FBXW10B: variants seen among roughly 807,000 people sequenced by gnomAD.
The protein encoded by FBXW10B is F-box and WD repeat domain containing protein 10B.
chr17:15,587,192 T>C, the FBXW10B span, among the ~76,000 whole-genome samples: 9 of 151,036 alleles, frequency 6.0e-5, no homozygotes, highest in East Asian at 1.4e-3. Flanking sequence ...GTGGGAATGT[T>C]GGATGGACAA....
chr17:15,588,787 G>A, the FBXW10B span: 33 of 1,007,434 alleles, frequency 3.3e-5, no homozygotes, highest in Middle Eastern at 2.1e-4. Flanking sequence ...TGTCAGTGCC[G>A]ATTTTAGGCA....
the FBXW10B span, chr17:15,589,182 CA>C: frequency 6.2e-7 from 1 of 1,613,410 alleles, no homozygotes; most frequent in Non-Finnish European, 8.5e-7. Context: ...CATTCCATCC[CA>C]CGTTAATTCT....
At chr17:15,606,305 C>T in the FBXW10B span, among the ~76,000 whole-genome samples, 1 of 140,454 alleles carries the variant, frequency 7.1e-6, no homozygotes, top group Admixed American at 7.3e-5. Flanking sequence ...TGTATAGTCA[C>T]TCTAAATATG....
At chr17:15,585,617 C>T in the FBXW10B span, among the ~76,000 whole-genome samples, 18 of 152,250 alleles carry the variant, frequency 1.2e-4, no homozygotes, top group African/African-American at 3.6e-4. Context: ...CAAGGTTGCC[C>T]GTGTTTGATG....
the FBXW10B span, among the ~76,000 whole-genome samples, chr17:15,595,091 C>T: frequency 2.6e-5 from 4 of 152,094 alleles, no homozygotes; most frequent in South Asian, 2.1e-4. Context: ...CCTGTAATCC[C>T]AGCACTTTGG....
At chr17:15,617,110 C>T in the FBXW10B span, among the ~76,000 whole-genome samples, 1 of 152,132 alleles carries the variant, frequency 6.6e-6, no homozygotes, top group East Asian at 1.9e-4. Context: ...GATATTAAGT[C>T]GGTTGATCTC....
chr17:15,603,920 A>T, the FBXW10B span, among the ~76,000 whole-genome samples: 2 of 106,422 alleles, frequency 1.9e-5, no homozygotes, highest in Non-Finnish European at 3.9e-5. Context: ...AAAAATACAA[A>T]AAAAAAAAAA....
At chr17:15,600,746 G>A in the FBXW10B span, among the ~76,000 whole-genome samples, 15 of 152,226 alleles carry the variant, frequency 9.9e-5, no homozygotes, top group South Asian at 2.1e-3. Context: ...ATAGGCATTA[G>A]AAAAGAAGAT....
the FBXW10B span, among the ~76,000 whole-genome samples, chr17:15,608,689 C>T: frequency 6.7e-6 from 1 of 149,114 alleles, no homozygotes; most frequent in East Asian, 2.0e-4. Context: ...CCTGACCTCA[C>T]GTGATCTGCC....
the FBXW10B span, among the ~76,000 whole-genome samples, chr17:15,583,398 TGAC>T: frequency 1.4e-5 from 2 of 145,986 alleles, no homozygotes; most frequent in Non-Finnish European, 3.0e-5. Context: ...TAGGTGCCCC[TGAC>T]TGCCCCGTGT....
the FBXW10B span, among the ~76,000 whole-genome samples, chr17:15,592,246 C>T: frequency 3.3e-5 from 5 of 149,928 alleles, no homozygotes; most frequent in East Asian, 3.9e-4. Context: ...TCACTCAAGC[C>T]GAAAGAAAAA....
chr17:15,615,721 G>T, the FBXW10B span: 2 of 1,613,638 alleles, frequency 1.2e-6, no homozygotes, highest in Non-Finnish European at 1.7e-6. Flanking sequence ...GCTGAGTTTT[G>T]GCTGTCCAAT....
At chr17:15,609,976 T>C in the FBXW10B span, among the ~76,000 whole-genome samples, 1 of 149,612 alleles carries the variant, frequency 6.7e-6, no homozygotes, top group Non-Finnish European at 1.5e-5. Flanking sequence ...TTTTTCTGCC[T>C]CAGCCTCCCG....
chr17:15,569,455 C>CTTTTTTTTTTTTTTTTTTTTTTT, the FBXW10B span, among the ~76,000 whole-genome samples: 76 of 59,186 alleles, frequency 1.3e-3, no homozygotes, highest in East Asian at 2.8e-3. Flanking sequence ...TTTTCTTTTT[C>CTTTTTTTTTTTTTTTTTTTTTTT]TTTTTTTTTT....
chr17:15,581,222 A>G, the FBXW10B span, among the ~76,000 whole-genome samples: 1 of 152,236 alleles, frequency 6.6e-6, no homozygotes, highest in Non-Finnish European at 1.5e-5. Flanking sequence ...GATCCTACTC[A>G]GCATGCTTAG....
the FBXW10B span, among the ~76,000 whole-genome samples, chr17:15,596,905 T>C: frequency 6.6e-6 from 1 of 152,136 alleles, no homozygotes. Context: ...CCAGAAGACC[T>C]TGGCTATGGC....
At chr17:15,606,980 C>T in the FBXW10B span, among the ~76,000 whole-genome samples, 331 of 152,254 alleles carry the variant, frequency 2.2e-3, 1 homozygote, top group African/African-American at 7.7e-3. Flanking sequence ...AAAGGACCTT[C>T]GTCTCTCGGC....
At chr17:15,570,103 A>C in the FBXW10B span, among the ~76,000 whole-genome samples, 1 of 152,196 alleles carries the variant, frequency 6.6e-6, no homozygotes, top group Admixed American at 6.5e-5. Flanking sequence ...CCTGGCAGGT[A>C]GCTAATGCTT....
At chr17:15,610,541 G>A in the FBXW10B span, among the ~76,000 whole-genome samples, 2 of 152,186 alleles carry the variant, frequency 1.3e-5, no homozygotes, top group African/African-American at 2.4e-5. Context: ...GGTGAAGTTT[G>A]GTAGTTACCC....
Sources: allele counts gnomAD v4.1 joint callset (sites outside exome capture counted in the v4.1 genomes callset), GRCh38; gene constraint gnomAD v4.1.1; transcripts MANE v1.5; gene names NCBI Gene and HGNC (gene_info 2026-07-23, HGNC 2026-07-21).